The following PREP variants were observed in gnomAD, a reference collection of about 807,000 sequenced individuals.
PREP encodes dJ355L5.1 (prolyl endopeptidase).
In PREP, 29 loss-of-function variants were observed where a neutral mutation model predicts 87.6. The ratio of observed to expected loss-of-function variants is 0.33; its 90% CI spans 0.25 to 0.45. PREP has a LOEUF of 0.45. Ranked by LOEUF, PREP falls within the 20% of genes least tolerant of loss-of-function variation. PREP has a pLI of 1.00. For synonymous variants in PREP, 337 were observed against 328.6 expected (o/e 1.03, Z -0.28); for missense variants, 695 against 886.5 (o/e 0.78, Z 2.74).
rs757734883 is a variant in PREP at position 105,285,552 on chromosome 6, T to G, written c.1483A>C (p.Met495Leu). The stretch of plus-strand genomic sequence containing the variant: ...TTGGCCACTGCCAGGATACCACCCA[T>G]GTGTCTCACAAAAATAAGCCTGGAA... ...SVSRLIFVRH[M>L]GGILAVANIR... The change falls in exon 12 of 15, where the codon ATG becomes CTG. Residue 495 changes from methionine to leucine, a missense_variant. Coordinates refer to ENST00000652536, the MANE Select transcript of PREP (RefSeq NM_002726.5). 1 of 1,614,072 alleles carries G rather than the reference T, an allele frequency of 6.2e-7. No individual in the cohort carries two copies. The highest frequency in any genetic ancestry group is 1.7e-5 in the Admixed American group (1 of 60,014).
chr6:105,349,554 G>A (rs901706972), intron 7 of PREP, among the ~76,000 whole-genome samples: 9 of 152,084 alleles, frequency 5.9e-5, no homozygotes, highest in African/African-American at 1.4e-4. Context: ...TGATGGCAAC[G>A]TGACATGAGC....
rs1770105840 is a variant in PREP at position 105,282,495 on chromosome 6, T to C, written c.1637A>G (p.Lys546Arg). The C allele has an allele frequency of 6.2e-7, 1 of 1,614,170 alleles. No homozygotes were observed. Among genetic ancestry groups the C allele is most frequent in the Non-Finnish European group, 8.5e-7 (1 of 1,180,014 alleles). The part of the protein sequence containing the change: ...YLIKEGYTSP[K>R]RLTINGGSNG... ...TGAACCTCCATTAATAGTCAGCCTC[T>C]TGGGAGATGTGTAACCTTCCTTGAT... is the stretch of plus-strand genomic sequence containing the variant. The change falls in exon 13 of 15, where the codon AAG (lysine) becomes AGG (arginine). Residue 546 changes from lysine (K) to arginine (R), a missense_variant. Physicochemically the swap from Lys to Arg is conservative, Grantham distance 26. This residue lies in a region of PREP where 35 missense variants were observed against 36.0 expected (regional missense o/e 0.97). Transcript: ENST00000652536.
At chr6:105,357,745 T>C (rs908564312) in intron 6 of PREP, among the ~76,000 whole-genome samples, 3 of 152,198 alleles carry the variant, frequency 2.0e-5, no homozygotes, top group South Asian at 2.1e-4. Flanking sequence ...TTGTAAATCA[T>C]TGGGAGGGGA....
intron 10 of PREP, among the ~76,000 whole-genome samples, chr6:105,306,398 G>A (rs1770659135): frequency 6.6e-6 from 1 of 152,086 alleles, no homozygotes; most frequent in South Asian, 2.1e-4. Flanking sequence ...CTACTACCTG[G>A]TAATTAGCAC....
chr6:105,358,934 A>G lies in PREP; in HGVS notation c.718-5857T>C, dbSNP rs561494243. Among the ~76,000 whole-genome samples the G allele has an allele frequency of 3.9e-5, 6 of 152,318 alleles. No individual in the cohort carries two copies. In the South Asian group the frequency reaches 1.2e-3, roughly 32 times the overall value. On this transcript the variant is annotated intron_variant, in intron 6 of 14. Transcript: ENST00000652536. ...GCTCAAGGGCAAAAGCCTTTTCATA[A>G]AAGTGTATTCCTGTGCCCAGGTGGA...
At chr6:105,288,730 T>G in intron 11 of PREP, 28 bp downstream of exon 11, 1 of 1,611,368 alleles carries the variant, frequency 6.2e-7, no homozygotes, top group Non-Finnish European at 8.5e-7. Flanking sequence ...GATAAAATAC[T>G]GGCACTCTGA....
At chr6:105,383,342 A>G (rs551961851) in intron 2 of PREP, among the ~76,000 whole-genome samples, 3 of 152,166 alleles carry the variant, frequency 2.0e-5, no homozygotes, top group Non-Finnish European at 4.4e-5. Context: ...CAAAGGGGGA[A>G]TCTTAAGCCC....
chr6:105,283,630 A>T (rs1420783438), intron 12 of PREP, among the ~76,000 whole-genome samples: 1 of 152,226 alleles, frequency 6.6e-6, no homozygotes, highest in Non-Finnish European at 1.5e-5. Context: ...TTTTAAAAAG[A>T]GCATTAAATT....
intron 7 of PREP, among the ~76,000 whole-genome samples, chr6:105,343,554 G>A (rs1771717674): frequency 6.6e-6 from 1 of 152,188 alleles, no homozygotes; most frequent in Non-Finnish European, 1.5e-5. Context: ...AAGAGCTTCT[G>A]CACAGCAAAA....
intron 7 of PREP, among the ~76,000 whole-genome samples, chr6:105,352,303 TGA>T (rs1771978839): frequency 6.6e-6 from 1 of 152,178 alleles, no homozygotes; most frequent in Non-Finnish European, 1.5e-5. Flanking sequence ...AGTGCTGGTA[TGA>T]TAGAGATGGT....
At chr6:105,340,584 GAC>G (rs1259025496) in intron 7 of PREP, among the ~76,000 whole-genome samples, 1 of 152,114 alleles carries the variant, frequency 6.6e-6, no homozygotes, top group East Asian at 1.9e-4. Context: ...CCAATTAAAA[GAC>G]ACAGATTGGC....
intron 2 of PREP, among the ~76,000 whole-genome samples, chr6:105,389,016 T>A (rs1773072614): frequency 6.6e-6 from 1 of 152,238 alleles, no homozygotes; most frequent in African/African-American, 2.4e-5. Context: ...TATCTTTTCA[T>A]GAAAAATCTA....
intron 8 of PREP, among the ~76,000 whole-genome samples, chr6:105,330,078 A>G (rs12193931): frequency 0.12 from 19,027 of 152,280 alleles, 1,270 homozygotes; most frequent in South Asian, 0.21. Context: ...ATCCGTTTTC[A>G]AGAGGAAGTG....
intron 4 of PREP, among the ~76,000 whole-genome samples, chr6:105,374,462 G>A (rs949095426): frequency 1.1e-4 from 17 of 151,598 alleles, no homozygotes; most frequent in African/African-American, 3.1e-4. Context: ...ATTCTTTTAC[G>A]TGGAATTTCA....
rs1769923502 is a variant in PREP at position 105,275,989 on chromosome 6, T to G, written c.*2155A>C. Among the ~76,000 whole-genome samples the G allele has an allele frequency of 6.6e-6, 1 of 152,170 alleles. No homozygotes were observed. The highest frequency in any genetic ancestry group is 1.5e-5 in the Non-Finnish European group (1 of 68,018). On this transcript the variant is annotated 3_prime_UTR_variant, in exon 15 of 15. Transcript: ENST00000652536. ...GTCTATAGTTTACAATAATCTACTG[T>G]GCATTTCAAAATAGCTAGAAGAGAG...
At chr6:105,312,093 A>AGGT (rs1225976777) in intron 10 of PREP, among the ~76,000 whole-genome samples, 1 of 152,260 alleles carries the variant, frequency 6.6e-6, no homozygotes, top group Admixed American at 6.5e-5. Flanking sequence ...AGAAAACTTG[A>AGGT]GGCTCCAGAT....
intron 7 of PREP, among the ~76,000 whole-genome samples, chr6:105,341,603 C>T (rs574674515): frequency 2.6e-5 from 4 of 152,108 alleles, no homozygotes; most frequent in South Asian, 2.1e-4. Flanking sequence ...TCCAGGAACT[C>T]GTTTTTTGAA....
At chr6:105,309,398 G>T (rs1258286043) in intron 10 of PREP, among the ~76,000 whole-genome samples, 1 of 152,016 alleles carries the variant, frequency 6.6e-6, no homozygotes, top group Non-Finnish European at 1.5e-5. Flanking sequence ...TATTGTGGGT[G>T]TAATGTGTTT....
At chr6:105,314,682 T>C (rs1039225550) in intron 10 of PREP, among the ~76,000 whole-genome samples, 8 of 152,224 alleles carry the variant, frequency 5.3e-5, no homozygotes, top group African/African-American at 1.7e-4. Flanking sequence ...ACTTCCCCCA[T>C]AGAGGTCCTG....
Sources: gnomAD v4.1 joint callset for allele counts (sites outside exome capture counted in the v4.1 genomes callset) on GRCh38, gnomAD v4.1.1 for gene constraint, gnomAD v4.1.1 regional missense constraint, MANE v1.5 for transcripts, NCBI Gene and HGNC (gene_info 2026-07-23, HGNC 2026-07-21) for gene names.